HCN1: variants seen among roughly 807,000 people sequenced by gnomAD.
HCN1 encodes potassium/sodium hyperpolarization-activated cyclic nucleotide-gated channel 1.
A neutral mutation model predicts 78.9 loss-of-function variants in HCN1; 13 were observed. That is an observed-to-expected ratio of 0.16 (90% CI 0.11 to 0.26). HCN1 has a LOEUF of 0.26. Ranked by LOEUF, HCN1 falls within the 10% of genes least tolerant of loss-of-function variation. The pLI, the probability that HCN1 is intolerant of heterozygous loss-of-function variation, is 1.00. For missense variants in HCN1, 810 were observed against 1,154.3 expected (o/e 0.70, Z 4.32); for synonymous variants, 552 against 455.5 (o/e 1.21, Z -2.70).
At chr5:45,585,942 G>T (rs1744208598) in intron 2 of HCN1, among the ~76,000 whole-genome samples, 1 of 152,126 alleles carries the variant, frequency 6.6e-6, no homozygotes. Context: ...CCTACTGGTG[G>T]GTGCCTCCCA....
rs899549205 is a variant in HCN1 at position 45,413,695 on chromosome 5, A to T, written c.1012-16985T>A. Among the ~76,000 whole-genome samples, 3 of 152,024 alleles carry T rather than the reference A, an allele frequency of 2.0e-5. No homozygotes were observed. The East Asian group carries it at 5.8e-4, about 29-fold the overall frequency. On this transcript the variant is annotated intron_variant, in intron 3 of 7. Coordinates refer to ENST00000303230, the MANE Select transcript of HCN1 (RefSeq NM_021072.4). ...GCAATAAATAATCATAAGGATATGAAGGGGCAGGAAAACTTGGTTAAAGTA... is the reference window on the plus strand; with the variant it reads ...GCAATAAATAATCATAAGGATATGATGGGGCAGGAAAACTTGGTTAAAGTA...
At chr5:45,317,084 G>T (rs893245269) in intron 5 of HCN1, among the ~76,000 whole-genome samples, 2 of 151,682 alleles carry the variant, frequency 1.3e-5, no homozygotes, top group Admixed American at 1.3e-4. Flanking sequence ...TTCATATGGG[G>T]CCAAAAAAGA....
chr5:45,346,868 G>C (rs928904494), intron 5 of HCN1, among the ~76,000 whole-genome samples: 1 of 152,226 alleles, frequency 6.6e-6, no homozygotes, highest in Non-Finnish European at 1.5e-5. Context: ...CGGGAAGCTT[G>C]AACTGGGTGG....
chr5:45,320,656 C>T (rs1345971693), intron 5 of HCN1, among the ~76,000 whole-genome samples: 2 of 151,390 alleles, frequency 1.3e-5, no homozygotes, highest in Non-Finnish European at 2.9e-5. Context: ...CCACCTTAAC[C>T]TTTGCACAAA....
In HCN1 at chr5:45,262,174, G is replaced by C. The variant is rs1244303801; in HGVS notation, c.2420C>G (p.Thr807Ser). ...GATGGAGGCCAGGGACTCGCCCACA[G>C]TGGGATGAGGTCTGGAAATCAGAGT... ...VSTLISRPHP[T>S]VGESLASIPQ... Residue 807 changes from threonine to serine, a missense_variant, in exon 8 of 8, where the codon ACT (threonine) becomes AGT (serine). Thr to Ser is a moderately conservative substitution (Grantham distance 58). Coordinates refer to ENST00000303230, the MANE Select transcript of HCN1 (RefSeq NM_021072.4). The C allele has an allele frequency of 3.8e-5, 62 of 1,614,042 alleles. No homozygotes were observed. The highest frequency in any genetic ancestry group is 5.2e-5 in the Non-Finnish European group (61 of 1,180,028).
At chr5:45,376,044 A>G (rs1747644450) in intron 4 of HCN1, among the ~76,000 whole-genome samples, 1 of 113,216 alleles carries the variant, frequency 8.8e-6, no homozygotes, top group Non-Finnish European at 1.6e-5. Flanking sequence ...AATATTTTAT[A>G]ATATATATTA....
rs538744605 is a variant in HCN1, at chr5:45,465,461, AAAGT to A, written c.850-3458_850-3455del. On this transcript the variant is annotated intron_variant, in intron 2 of 7. Transcript: ENST00000303230. The stretch of plus-strand genomic sequence containing the variant: ...GGAGTCAACTGAAAAAAATGTAATT[AAAGT>A]AAGTTTTTCAGCCAGGTGCGGGGGC... Among the ~76,000 whole-genome samples the A allele has an allele frequency of 7.9e-5, 12 of 152,184 alleles. No individual in the cohort carries two copies. The South Asian group carries it at 2.3e-3, about 29-fold the overall frequency.
At chr5:45,640,099 G>A (rs1481902136) in intron 2 of HCN1, among the ~76,000 whole-genome samples, 1 of 152,106 alleles carries the variant, frequency 6.6e-6, no homozygotes. Flanking sequence ...CAATTGTGTT[G>A]CTCACTCCCT....
chr5:45,539,241 GCTTTCTTTTCTC>G, intron 2 of HCN1, among the ~76,000 whole-genome samples: 1 of 151,862 alleles, frequency 6.6e-6, no homozygotes, highest in East Asian at 1.9e-4. Flanking sequence ...AAGCTTAGTT[GCTTTCTTTTCTC>G]CTTCCTTATT....
intron 1 of HCN1, among the ~76,000 whole-genome samples, chr5:45,660,097 C>T (rs1360980739): frequency 3.3e-5 from 4 of 119,506 alleles, no homozygotes; most frequent in South Asian, 2.8e-4. Flanking sequence ...AGACTAACAG[C>T]GGATCTCTCG....
At chr5:45,267,003 C>T in intron 7 of HCN1, 86 bp downstream of exon 7, 1 of 1,143,494 alleles carries the variant, frequency 8.7e-7, no homozygotes, top group Non-Finnish European at 1.3e-6. Flanking sequence ...GTCACCACTC[C>T]CCACTGCATT....
intron 4 of HCN1, among the ~76,000 whole-genome samples, chr5:45,373,529 T>C (rs1363382910): frequency 7.1e-6 from 1 of 141,492 alleles, no homozygotes; most frequent in Admixed American, 7.6e-5. Context: ...ATATATTACA[T>C]ACATTATATA....
At chr5:45,395,922 G>C (rs897569271) in intron 4 of HCN1, among the ~76,000 whole-genome samples, 1 of 152,084 alleles carries the variant, frequency 6.6e-6, no homozygotes, top group East Asian at 1.9e-4. Context: ...GTTTAGAGCA[G>C]CAATCATTTT....
intron 2 of HCN1, among the ~76,000 whole-genome samples, chr5:45,510,631 T>C (rs185751141): frequency 8.2e-4 from 124 of 152,128 alleles, no homozygotes; most frequent in African/African-American, 2.7e-3. Flanking sequence ...TCCTCTCTCG[T>C]TTAAGTTTTG....
At chr5:45,500,611 C>T (rs985589274) in intron 2 of HCN1, among the ~76,000 whole-genome samples, 1 of 152,102 alleles carries the variant, frequency 6.6e-6, no homozygotes, top group South Asian at 2.1e-4. Flanking sequence ...CCCATAATAT[C>T]TGTTTAAAAT....
chr5:45,267,707 G>T (rs1744889010), intron 6 of HCN1, among the ~76,000 whole-genome samples: 1 of 152,156 alleles, frequency 6.6e-6, no homozygotes, highest in South Asian at 2.1e-4. Flanking sequence ...GGCAGAGGTT[G>T]CAGTGAGCCG....
rs184812322 is a variant in HCN1 at position 45,329,145 on chromosome 5, C to A, written c.1377+23955G>T. Reference sequence around the variant, plus strand: ...ATATGTAACAATATTAATAGTTTGACCATTCATAAGTATACAATTTGTCAG... The same window carrying A: ...ATATGTAACAATATTAATAGTTTGAACATTCATAAGTATACAATTTGTCAG... On this transcript the variant is annotated intron_variant, in intron 5 of 7. Transcript: ENST00000303230. 1.2e-4 allele frequency among the ~76,000 whole-genome samples: 18 copies of A among 151,602 alleles called. No homozygotes were observed. In the East Asian group the frequency reaches 3.5e-3, roughly 30 times the overall value.
In HCN1 at chr5:45,613,951, G is replaced by C. The variant is rs539675076; in HGVS notation, c.849+31234C>G. On this transcript the variant is annotated intron_variant, in intron 2 of 7. Coordinates refer to ENST00000303230, the MANE Select transcript of HCN1 (RefSeq NM_021072.4). ...TCCAAATTCAAGTGTAGGGAGAAAT[G>C]GTTACTGTAATAAAATAAGTCCAGT... Among the ~76,000 whole-genome samples, 183 of 152,030 alleles carry C rather than the reference G, an allele frequency of 1.2e-3. 1 individual carries two copies. The highest frequency in any genetic ancestry group is 4.3e-3 in the African/African-American group (178 of 41,466).
intron 2 of HCN1, among the ~76,000 whole-genome samples, chr5:45,640,310 G>A (rs907998368): frequency 1.3e-5 from 2 of 152,084 alleles, no homozygotes; most frequent in African/African-American, 2.4e-5. Context: ...GTATTTAGCG[G>A]ATAAACATGC....
Sources: allele counts gnomAD v4.1 joint callset (sites outside exome capture counted in the v4.1 genomes callset), GRCh38; gene constraint gnomAD v4.1.1; transcripts MANE v1.5; gene names NCBI Gene and HGNC (gene_info 2026-07-23, HGNC 2026-07-21).